STAG1: variants seen among roughly 807,000 people sequenced by gnomAD.
STAG1 encodes the protein STAG1 cohesin complex component.
In STAG1, 26 loss-of-function variants were observed where a neutral mutation model predicts 170.9. The ratio of observed to expected loss-of-function variants is 0.15; its 90% CI spans 0.11 to 0.21. STAG1 has a LOEUF of 0.21. Ranked by LOEUF, STAG1 falls within the 10% of genes least tolerant of loss-of-function variation. The pLI, the probability that STAG1 is intolerant of heterozygous loss-of-function variation, is 1.00. For missense variants in STAG1, 964 were observed against 1,509.5 expected (o/e 0.64, Z 5.99); for synonymous variants, 514 against 497.7 (o/e 1.03, Z -0.44).
At chr3:136,371,627 G>T (rs1021999594) in intron 23 of STAG1, among the ~76,000 whole-genome samples, 1 of 152,122 alleles carries the variant, frequency 6.6e-6, no homozygotes, top group South Asian at 2.1e-4. Flanking sequence ...TTTCCACATT[G>T]CTTGTTTTTC....
At chr3:136,552,808 A>C (rs1407110674) in intron 5 of STAG1, among the ~76,000 whole-genome samples, 1 of 152,200 alleles carries the variant, frequency 6.6e-6, no homozygotes, top group East Asian at 1.9e-4. Flanking sequence ...AGAAAATCTC[A>C]AACTCTCTAT....
chr3:136,711,124 C>G (rs1463224111), intron 1 of STAG1, among the ~76,000 whole-genome samples: 3 of 151,464 alleles, frequency 2.0e-5, no homozygotes, highest in South Asian at 2.1e-4. Context: ...ATAAATCTAA[C>G]AAAAGATATG....
chr3:136,409,786 A>G (rs2087575377), intron 21 of STAG1, among the ~76,000 whole-genome samples: 1 of 152,206 alleles, frequency 6.6e-6, no homozygotes, highest in Non-Finnish European at 1.5e-5. Context: ...ATCTGAAAAA[A>G]GATAAATTCA....
intron 4 of STAG1, among the ~76,000 whole-genome samples, chr3:136,574,928 A>T (rs962485251): frequency 6.6e-6 from 1 of 152,226 alleles, no homozygotes; most frequent in Admixed American, 6.5e-5. Context: ...AACCTCTGTA[A>T]GTTTTTAAAC....
In STAG1 at chr3:136,595,341, T is replaced by C. The variant is rs565639386; in HGVS notation, c.297+8968A>G. Among the ~76,000 whole-genome samples, 72 of 152,250 alleles carry C rather than the reference T, an allele frequency of 4.7e-4. 1 individual carries two copies. Among genetic ancestry groups the C allele is most frequent in the African/African-American group, 1.7e-3 (70 of 41,548 alleles). On this transcript the variant is annotated intron_variant, in intron 4 of 33. Transcript: ENST00000383202. The stretch of plus-strand genomic sequence containing the variant: ...TCAAACAACTAGGGACCACCTTAGA[T>C]TACTTCCTCTTTCTCATCTTTCCTA...
At chr3:136,562,302 C>T (rs1363597657) in intron 5 of STAG1, among the ~76,000 whole-genome samples, 4 of 151,374 alleles carry the variant, frequency 2.6e-5, no homozygotes, top group Non-Finnish European at 5.9e-5. Flanking sequence ...CTCCTGTTGC[C>T]CAGCCTGGAG....
chr3:136,399,929 T>A (rs1022138790), intron 21 of STAG1, among the ~76,000 whole-genome samples: 4 of 152,082 alleles, frequency 2.6e-5, no homozygotes, highest in Admixed American at 2.6e-4. Context: ...AAACAAACTT[T>A]CTTTTTTTTT....
At chr3:136,432,708 T>C (rs2088344887) in intron 16 of STAG1, among the ~76,000 whole-genome samples, 1 of 152,190 alleles carries the variant, frequency 6.6e-6, no homozygotes, top group South Asian at 2.1e-4. Flanking sequence ...GGTTTCACTA[T>C]GTTGGCCAGG....
chr3:136,697,026 T>C lies in STAG1; in HGVS notation c.-84+55169A>G, dbSNP rs189475180. On this transcript the variant is annotated intron_variant, in intron 1 of 33. Coordinates refer to ENST00000383202, the MANE Select transcript of STAG1 (RefSeq NM_005862.3). ...TACCGTATGTAAATTATACTCAGGG[T>C]GGAGGAACGTTTGTTGTCTTTAACA... Among the ~76,000 whole-genome samples, 380 of 152,252 alleles carry C rather than the reference T, an allele frequency of 2.5e-3. 3 individuals carry two copies. Among genetic ancestry groups the C allele is most frequent in the Admixed American group, 0.012 (179 of 15,290 alleles).
At chr3:136,399,789 GT>G (rs1560087758) in intron 21 of STAG1, among the ~76,000 whole-genome samples, 1 of 152,026 alleles carries the variant, frequency 6.6e-6, no homozygotes, top group Non-Finnish European at 1.5e-5. Context: ...GTCCCAAAGA[GT>G]TTTTCCTTAT....
chr3:136,433,800 ATTT>A, intron 15 of STAG1, 141 bp from the exon 16 acceptor site: 1 of 503,894 alleles, frequency 2.0e-6, no homozygotes, highest in Non-Finnish European at 3.4e-6. Context: ...GTACTTTGCT[ATTT>A]TTTTTTTTAA....
chr3:136,741,474 T>A (rs1411715432), intron 1 of STAG1, among the ~76,000 whole-genome samples: 1 of 148,708 alleles, frequency 6.7e-6, no homozygotes, highest in Non-Finnish European at 1.5e-5. Flanking sequence ...TTGGAAGGAA[T>A]TTTTTTTTTT....
chr3:136,722,552 G>C (rs1933343148), intron 1 of STAG1, among the ~76,000 whole-genome samples: 1 of 152,038 alleles, frequency 6.6e-6, no homozygotes, highest in Non-Finnish European at 1.5e-5. Context: ...GAAAAAACTA[G>C]GAACAAAGGA....
chr3:136,688,578 G>C (rs1213681177), intron 1 of STAG1, among the ~76,000 whole-genome samples: 1 of 152,132 alleles, frequency 6.6e-6, no homozygotes, highest in Non-Finnish European at 1.5e-5. Context: ...TTTTAGTAGA[G>C]ATGGGGCTTT....
chr3:136,695,566 T>C (rs991787606), intron 1 of STAG1, among the ~76,000 whole-genome samples: 1 of 151,874 alleles, frequency 6.6e-6, no homozygotes, highest in Non-Finnish European at 1.5e-5. Context: ...TCTAGGTGAC[T>C]TGGTTTAACA....
Position 136,363,361 on chromosome 3 carries a change from CT to C in STAG1, c.2787+4del. The C allele has an allele frequency of 6.6e-7, 1 of 1,519,424 alleles. No homozygotes were observed. The highest frequency in any genetic ancestry group is 9.1e-7 in the Non-Finnish European group (1 of 1,100,434). The allele number at this position is 1,519,424 out of a possible 1,614,324, so 94.1% of individuals were successfully genotyped here. A position where few individuals can be genotyped will look rare whatever the true frequency, so the allele number is the denominator to read the frequency against. ...TCTTTGTCTCCCTCTCTCCAAATTTCTTACCTGTTGCAAACTGAGAATGAGA... is the reference window on the plus strand; with the variant it reads ...TCTTTGTCTCCCTCTCTCCAAATTTCTACCTGTTGCAAACTGAGAATGAGA... On this transcript the variant is annotated splice_donor_region_variant and intron_variant, in intron 26 of 33. Transcript: ENST00000383202.
chr3:136,551,243 GAGAGA>G (rs1936380405), intron 5 of STAG1, among the ~76,000 whole-genome samples: 1 of 147,054 alleles, frequency 6.8e-6, no homozygotes, highest in South Asian at 2.2e-4. Context: ...GAGAGAGAGA[GAGAGA>G]GAGAGAGAGA....
chr3:136,726,331 A>C (rs186096515), intron 1 of STAG1, among the ~76,000 whole-genome samples: 21 of 152,308 alleles, frequency 1.4e-4, no homozygotes, highest in African/African-American at 4.8e-4. Flanking sequence ...CAGCAGCATA[A>C]ACCATTATTC....
chr3:136,748,696 C>G (rs937669687), intron 1 of STAG1, among the ~76,000 whole-genome samples: 2 of 152,164 alleles, frequency 1.3e-5, no homozygotes, highest in African/African-American at 2.4e-5. Context: ...GCCACTGTAC[C>G]AGGCCAATAA....
Sources: allele counts gnomAD v4.1 joint callset (sites outside exome capture counted in the v4.1 genomes callset), GRCh38; gene constraint gnomAD v4.1.1; transcripts MANE v1.5; gene names NCBI Gene and HGNC (gene_info 2026-07-23, HGNC 2026-07-21).